The following ANK2 variants were observed in gnomAD, a reference collection of about 807,000 sequenced individuals.
The protein encoded by ANK2 is ankyrin 2.
A neutral mutation model predicts 360.5 loss-of-function variants in ANK2; 83 were observed. That is an observed-to-expected ratio of 0.23 (90% CI 0.19 to 0.28). ANK2 has a LOEUF of 0.28. ANK2 is among the 10% of genes least tolerant of loss of function. The pLI is 1.00. For synonymous variants in ANK2, 1,740 were observed against 1,759.5 expected (o/e 0.99, Z 0.28); for missense variants, 4,201 against 4,795.7 (o/e 0.88, Z 3.66).
intron 2 of ANK2, among the ~76,000 whole-genome samples, chr4:112,995,787 C>T (rs1328917405): frequency 6.6e-6 from 1 of 152,028 alleles, no homozygotes; most frequent in East Asian, 1.9e-4. Flanking sequence ...GGTAGGGGTC[C>T]AGTTGTATTC....
the ANK2 span, among the ~76,000 whole-genome samples, chr4:112,780,756 C>G: frequency 1.3e-5 from 2 of 152,002 alleles, no homozygotes; most frequent in African/African-American, 2.4e-5. Context: ...ATGCATAAAA[C>G]CATCTGATCT....
chr4:113,280,154 G>A (rs1366828236), intron 17 of ANK2, among the ~76,000 whole-genome samples: 4 of 151,834 alleles, frequency 2.6e-5, no homozygotes, highest in South Asian at 2.1e-4. Context: ...GAGTACTTTC[G>A]TTGAACTCTT....
At chr4:113,315,715 G>T (rs1052960005) in intron 24 of ANK2, among the ~76,000 whole-genome samples, 3 of 151,850 alleles carry the variant, frequency 2.0e-5, no homozygotes, top group Non-Finnish European at 4.4e-5. Flanking sequence ...TGGCTAACAC[G>T]GTGAAACCCT....
At chr4:113,167,718 C>T (rs2097797040) in intron 1 of ANK2, among the ~76,000 whole-genome samples, 1 of 152,178 alleles carries the variant, frequency 6.6e-6, no homozygotes, top group East Asian at 1.9e-4. Context: ...TAAACTGCAC[C>T]CAGAACTAGA....
intron 41 of ANK2, among the ~76,000 whole-genome samples, chr4:113,366,605 G>A (rs976624171): frequency 6.6e-6 from 1 of 151,616 alleles, no homozygotes; most frequent in Non-Finnish European, 1.5e-5. Flanking sequence ...CTGTTTCAGG[G>A]CCCTGGTATT....
At chr4:113,345,376 T>A (rs2153988671) in intron 34 of ANK2, among the ~76,000 whole-genome samples, 1 of 152,298 alleles carries the variant, frequency 6.6e-6, no homozygotes, top group East Asian at 1.9e-4. Flanking sequence ...TATACAACTT[T>A]GTGAATGTGC....
intron 23 of ANK2, among the ~76,000 whole-genome samples, chr4:113,306,565 A>G (rs569081329): frequency 1.3e-5 from 2 of 152,244 alleles, no homozygotes; most frequent in African/African-American, 4.8e-5. Context: ...TATTGAGAAG[A>G]ACCTGGAAGG....
chr4:113,365,197 G>GTA lies in ANK2; in HGVS notation c.11032+16_11032+17insAT, dbSNP rs1564114100. 6.5e-7 allele frequency: 1 copy of GTA among 1,528,114 alleles called. No homozygotes were observed. The highest frequency in any genetic ancestry group is 1.6e-5 in the African/African-American group (1 of 60,840). The allele number at this position is 1,528,114 out of a possible 1,614,324, so 94.7% of individuals were successfully genotyped here. A position where few individuals can be genotyped will look rare whatever the true frequency, so the allele number is the denominator to read the frequency against. Reference sequence around the variant, plus strand: ...TCATAGTGAAGGTCAAACTGTGTGTGTGTATGTGTGTGTGTGTGTGTGTGT... The same window carrying GTA: ...TCATAGTGAAGGTCAAACTGTGTGTGTATGTATGTGTGTGTGTGTGTGTGTGT... On this transcript the variant is annotated intron_variant, in intron 41 of 45. Transcript: ENST00000357077.
intron 1 of ANK2, among the ~76,000 whole-genome samples, chr4:113,068,122 G>T (rs1284447996): frequency 6.6e-6 from 1 of 152,088 alleles, no homozygotes; most frequent in Non-Finnish European, 1.5e-5. Context: ...TTCCCCCTGA[G>T]TGTTGGAAAG....
At chr4:113,107,120 A>G (rs1452957720) in intron 1 of ANK2, among the ~76,000 whole-genome samples, 2 of 152,214 alleles carry the variant, frequency 1.3e-5, no homozygotes, top group African/African-American at 2.4e-5. Flanking sequence ...AAAAATGACT[A>G]TAAATAGCTC....
At chr4:113,059,140 C>G (rs1193020953) in intron 1 of ANK2, among the ~76,000 whole-genome samples, 1 of 152,180 alleles carries the variant, frequency 6.6e-6, no homozygotes, top group African/African-American at 2.4e-5. Flanking sequence ...GCCTCAGCTC[C>G]TAAAGCCATT....
At chr4:113,046,538 G>A (rs2064469760), upstream of ANK2, among the ~76,000 whole-genome samples, 1 of 151,990 alleles carries the variant, frequency 6.6e-6, no homozygotes, top group Admixed American at 6.6e-5. Context: ...AACTAGGTAG[G>A]CCCTTTTTGC....
intron 2 of ANK2, among the ~76,000 whole-genome samples, chr4:113,175,337 A>G (rs1284285587): frequency 6.6e-6 from 1 of 152,210 alleles, no homozygotes; most frequent in Admixed American, 6.5e-5. Flanking sequence ...GACCACTGAA[A>G]TTAATAAATC....
At chr4:112,783,686 C>T in the ANK2 span, among the ~76,000 whole-genome samples, 1 of 150,982 alleles carries the variant, frequency 6.6e-6, no homozygotes, top group African/African-American at 2.4e-5. Flanking sequence ...GAGTCTCGCT[C>T]TGTCACCCAG....
the ANK2 span, among the ~76,000 whole-genome samples, chr4:112,753,436 T>C: frequency 6.6e-6 from 1 of 152,208 alleles, no homozygotes; most frequent in Admixed American, 6.5e-5. Flanking sequence ...ACACCCAGGC[T>C]ACATGGTATT....
chr4:112,810,116 A>AT, the ANK2 span, among the ~76,000 whole-genome samples: 15 of 110,686 alleles, frequency 1.4e-4, no homozygotes, highest in South Asian at 3.3e-3. Flanking sequence ...AGATATTTTA[A>AT]TTTTTTGTGT....
In ANK2 at chr4:112,959,330, G is replaced by T. The variant is rs759292091; in HGVS notation, c.21+54816G>T. The stretch of plus-strand genomic sequence containing the variant: ...ACCCTTAATGAAGCAGATTTTTTTT[G>T]AAAACAAGAACAAAAACAAAACAGG... On this transcript the variant is annotated intron_variant, in intron 2 of 30. Transcript: ENST00000503271. 1.7e-3 allele frequency among the ~76,000 whole-genome samples: 256 copies of T among 151,846 alleles called. 1 individual carries two copies. Among genetic ancestry groups the T allele is most frequent in the Non-Finnish European group, 2.5e-3 (170 of 67,888 alleles).
the ANK2 span, among the ~76,000 whole-genome samples, chr4:112,809,402 A>C: frequency 6.6e-6 from 1 of 151,216 alleles, no homozygotes; most frequent in African/African-American, 2.4e-5. Context: ...TCTACTAAAT[A>C]TACAAAAAAT....
At chr4:113,054,266 G>A (rs2068500684) in intron 1 of ANK2, among the ~76,000 whole-genome samples, 1 of 152,086 alleles carries the variant, frequency 6.6e-6, no homozygotes, top group Admixed American at 6.6e-5. Context: ...ATTTATTGAA[G>A]ATGCTTTGAT....
Sources: gnomAD v4.1 joint callset for allele counts (sites outside exome capture counted in the v4.1 genomes callset) on GRCh38, gnomAD v4.1.1 for gene constraint, MANE v1.5 for transcripts, NCBI Gene and HGNC (gene_info 2026-07-23, HGNC 2026-07-21) for gene names.